The following DGCR8 variants were observed in gnomAD, a reference collection of about 807,000 sequenced individuals.
DGCR8 encodes microprocessor complex subunit DGCR8.
Under a neutral mutation model 78.5 loss-of-function variants are expected in DGCR8, and 14 were observed. The ratio of observed to expected loss-of-function variants is 0.18; its 90% CI spans 0.12 to 0.28. DGCR8 has a LOEUF of 0.28. Ranked by LOEUF, DGCR8 falls within the 10% of genes least tolerant of loss-of-function variation. DGCR8 has a pLI of 1.00. For synonymous variants in DGCR8, 399 were observed against 402.4 expected (o/e 0.99, Z 0.10); for missense variants, 702 against 1,022.5 (o/e 0.69, Z 4.28).
In DGCR8 at chr22:20,110,069, C is replaced by G; in HGVS notation, c.2283C>G (p.Ala761=). The change falls in exon 14 of 14, where the codon GCC becomes GCG. Residue 761 remains alanine (A), a synonymous_variant. Transcript: ENST00000351989. ...KKPKMSIVAS[A]QPGGEPLCTV... ...CCAAGATGTCCATTGTGGCGTCCGC[C>G]CAGCCTGGCGGTGAGCCCCTGTGCA... is the stretch of plus-strand genomic sequence containing the variant. 1 of 1,612,982 alleles carries G rather than the reference C, an allele frequency of 6.2e-7. No individual in the cohort carries two copies. Among genetic ancestry groups the G allele is most frequent in the South Asian group, 1.1e-5 (1 of 91,088 alleles).
chr22:20,109,061 G>A (rs1238692239), intron 13 of DGCR8, 58 bp downstream of exon 13: 4 of 910,964 alleles, frequency 4.4e-6, no homozygotes, highest in Non-Finnish European at 7.3e-6. Context: ...TGGCACCTGT[G>A]GAGGGACAGC....
In DGCR8 at chr22:20,110,078, C is replaced by T. The variant is rs997639108; in HGVS notation, c.2292C>T (p.Gly764=). ...CCATTGTGGCGTCCGCCCAGCCTGGCGGTGAGCCCCTGTGCACCGTGGACG... is the reference window on the plus strand; with the variant it reads ...CCATTGTGGCGTCCGCCCAGCCTGGTGGTGAGCCCCTGTGCACCGTGGACG... ...KMSIVASAQP[G]GEPLCTVDV Residue 764 remains glycine (G), a synonymous_variant, in exon 14 of 14, where the codon GGC becomes GGT. Coordinates refer to ENST00000351989, the MANE Select transcript of DGCR8 (RefSeq NM_022720.7). 3.5e-5 allele frequency: 56 copies of T among 1,612,182 alleles called. No homozygotes were observed. Among genetic ancestry groups the T allele is most frequent in the African/African-American group, 5.3e-5 (4 of 74,956 alleles).
In DGCR8 at chr22:20,096,010, G is replaced by C. The variant is rs1251080158; in HGVS notation, c.1788+1215G>C. On this transcript the variant is annotated intron_variant, in intron 9 of 13. Coordinates refer to ENST00000351989, the MANE Select transcript of DGCR8 (RefSeq NM_022720.7). Reference sequence around the variant, plus strand: ...AGAGCTCAGGTGTAAAATGAGTGATGGGGAGCAGCTGTAAATACAGATTAA... The same window carrying C: ...AGAGCTCAGGTGTAAAATGAGTGATCGGGAGCAGCTGTAAATACAGATTAA... Among the ~76,000 whole-genome samples the C allele has an allele frequency of 2.8e-4, 43 of 152,098 alleles. 2 individuals carry two copies. Among genetic ancestry groups the C allele is most frequent in the Admixed American group, 2.8e-3 (43 of 15,256 alleles).
rs1250995097 is a variant in DGCR8, at chr22:20,085,275, G to A, written c.-277-412G>A. On this transcript the variant is annotated intron_variant, in intron 1 of 13. Transcript: ENST00000351989. The surrounding 1 kb of genome is among the most constrained non-coding windows in gnomAD (Gnocchi z 6.2). ...TCTGACTGACCCAGCCCTTGCAGGT[G>A]AGTGGATTGCTGTGCTCTGGTGGCC... 3.9e-5 allele frequency among the ~76,000 whole-genome samples: 6 copies of A among 152,204 alleles called. No homozygotes were observed. Among genetic ancestry groups the A allele is most frequent in the Non-Finnish European group, 7.3e-5 (5 of 68,038 alleles).
chr22:20,086,877 A>G lies in DGCR8; in HGVS notation c.720+194A>G. The G allele has an allele frequency of 1.2e-6, 1 of 839,220 alleles. No individual in the cohort carries two copies. Among genetic ancestry groups the G allele is most frequent in the South Asian group, 1.9e-5 (1 of 52,536 alleles). The allele number at this position is 839,220 out of a possible 1,614,324, so 52.0% of individuals were successfully genotyped here. Reference sequence around the variant, plus strand: ...CCAGATTTTTAAAGTTTCCTAATGAAAAGTTTGGCCCATGGGTAGGCCCTG... The same window carrying G: ...CCAGATTTTTAAAGTTTCCTAATGAGAAGTTTGGCCCATGGGTAGGCCCTG... On this transcript the variant is annotated intron_variant, in intron 2 of 13. Transcript: ENST00000351989. This position sits in a 1 kb window ranked among gnomAD's most constrained non-coding sequence, Gnocchi z 6.4.
intron 9 of DGCR8, among the ~76,000 whole-genome samples, chr22:20,098,764 A>G (rs956947226): frequency 2.0e-5 from 3 of 152,184 alleles, no homozygotes; most frequent in Non-Finnish European, 4.4e-5. Context: ...CTCTGTGTGC[A>G]TGCTGGTCTC....
At chr22:20,090,304 G>A in intron 5 of DGCR8, 46 bp downstream of exon 5, 1 of 1,538,720 alleles carries the variant, frequency 6.5e-7, no homozygotes, top group Middle Eastern at 2.2e-4. Context: ...TGGGACCCAT[G>A]AGCTTTGTTT....
intron 9 of DGCR8, among the ~76,000 whole-genome samples, chr22:20,104,353 G>C (rs1359796688): frequency 1.3e-5 from 2 of 151,588 alleles, no homozygotes; most frequent in Non-Finnish European, 2.9e-5. Context: ...ATTTTTAGTA[G>C]AGACGGGGTT....
intron 9 of DGCR8, among the ~76,000 whole-genome samples, chr22:20,103,447 T>G (rs992109922): frequency 3.9e-5 from 6 of 152,244 alleles, no homozygotes; most frequent in Non-Finnish European, 7.3e-5. Context: ...TTGCACTGAT[T>G]TATTCTAGTA....
At position 20,085,192 on chromosome 22, in the gene DGCR8, GC is replaced by G; in HGVS notation, c.-277-493del. 3.4e-6 allele frequency: 1 copy of G among 295,448 alleles called. No individual in the cohort carries two copies. Among genetic ancestry groups the G allele is most frequent in the Non-Finnish European group, 5.0e-6 (1 of 199,176 alleles). The allele number at this position is 295,448 out of a possible 1,614,324, so 18.3% of individuals were successfully genotyped here. A position where few individuals can be genotyped will look rare whatever the true frequency, so the allele number is the denominator to read the frequency against. Reference sequence around the variant, plus strand: ...GGGTCCCTGGGTAGCAGAGCGCCTGGCCATGCCTCTGAGGCCCCTAGTGCCG... The same window carrying G: ...GGGTCCCTGGGTAGCAGAGCGCCTGGCATGCCTCTGAGGCCCCTAGTGCCG... On this transcript the variant is annotated intron_variant, in intron 1 of 13. Coordinates refer to ENST00000351989, the MANE Select transcript of DGCR8 (RefSeq NM_022720.7). The surrounding 1 kb of genome is among the most constrained non-coding windows in gnomAD (Gnocchi z 6.2).
chr22:20,100,288 A>G (rs773430247), intron 9 of DGCR8: 24 of 900,666 alleles, frequency 2.7e-5, no homozygotes, highest in Admixed American at 6.2e-5. Context: ...GATGGTCTCT[A>G]TCTCTTGACC....
In DGCR8 at chr22:20,111,208, G is replaced by C. The variant is rs1001256855; in HGVS notation, c.*1100G>C. 3 of 398,910 alleles carry C rather than the reference G, an allele frequency of 7.5e-6. No homozygotes were observed. The highest frequency in any genetic ancestry group is 2.1e-5 in the African/African-American group (1 of 48,758). The allele number at this position is 398,910 out of a possible 1,614,324, so 24.7% of individuals were successfully genotyped here. On this transcript the variant is annotated 3_prime_UTR_variant, in exon 14 of 14. Coordinates refer to ENST00000351989, the MANE Select transcript of DGCR8 (RefSeq NM_022720.7). ...GCGATGGAAATGTGTTCCTGCCGGAGTCTGAGGCACCAGGGTGTGCTCAAA... is the reference window on the plus strand; with the variant it reads ...GCGATGGAAATGTGTTCCTGCCGGACTCTGAGGCACCAGGGTGTGCTCAAA...
intron 12 of DGCR8, chr22:20,108,663 C>G: frequency 2.5e-6 from 1 of 396,092 alleles, no homozygotes; most frequent in Non-Finnish European, 4.8e-6. Flanking sequence ...GCAGAAAGGC[C>G]TGGCAGCTAT....
rs570157582 is a variant in DGCR8 at position 20,106,951 on chromosome 22, C to T, written c.1996+253C>T. ...TGTCCCTGTGGCAGGAGGAAAGGCC[C>T]TCCTCCTCGAACAGCCAGCAGAATC... On this transcript the variant is annotated intron_variant, in intron 11 of 13. Transcript: ENST00000351989. 4.1e-4 allele frequency: 234 copies of T among 576,032 alleles called. No individual in the cohort carries two copies. In the Middle Eastern group the frequency reaches 0.012, roughly 30 times the overall value. The allele number at this position is 576,032 out of a possible 1,614,324, so 35.7% of individuals were successfully genotyped here.
rs2049475739 is a variant in DGCR8, at chr22:20,085,911, T to G, written c.-53T>G. 6.7e-6 allele frequency: 10 copies of G among 1,499,220 alleles called. No homozygotes were observed. In the Admixed American group the frequency reaches 8.8e-5, roughly 13 times the overall value. The allele number at this position is 1,499,220 out of a possible 1,614,324, so 92.9% of individuals were successfully genotyped here. On this transcript the variant is annotated 5_prime_UTR_variant, in exon 2 of 14. An upstream start codon of the reference 5' UTR is lost. Transcript: ENST00000351989. The surrounding 1 kb of genome is among the most constrained non-coding windows in gnomAD (Gnocchi z 6.2). ...TGTGCATGTTAGCTGTGTAGATTTATGTGAGGGCTTGTAAAACTCTGGTCT... is the reference window on the plus strand; with the variant it reads ...TGTGCATGTTAGCTGTGTAGATTTAGGTGAGGGCTTGTAAAACTCTGGTCT...
intron 1 of DGCR8, 41 bp downstream of exon 1, chr22:20,080,424 G>A (rs2049403887): frequency 1.0e-6 from 1 of 978,632 alleles, no homozygotes. Context: ...GCGGTTGGGC[G>A]GGCGCCGCGG....
chr22:20,104,265 C>T (rs1288037027), intron 9 of DGCR8, among the ~76,000 whole-genome samples: 9 of 151,836 alleles, frequency 5.9e-5, no homozygotes, highest in East Asian at 3.9e-4. Flanking sequence ...CCCGGGTTCA[C>T]GCCATTCTCC....
At chr22:20,090,302 A>C (rs373684505) in intron 5 of DGCR8, 44 bp downstream of exon 5, 62 of 1,540,360 alleles carry the variant, frequency 4.0e-5, no homozygotes, top group Non-Finnish European at 4.8e-5. Context: ...CCTGGGACCC[A>C]TGAGCTTTGT....
At chr22:20,096,373 G>A (rs1841394906) in intron 9 of DGCR8, 1 of 919,950 alleles carries the variant, frequency 1.1e-6, no homozygotes, top group Non-Finnish European at 1.3e-6. Context: ...TTTTGTATAA[G>A]TGGGCCCATG....
Sources: allele counts gnomAD v4.1 joint callset (sites outside exome capture counted in the v4.1 genomes callset), GRCh38; gene constraint gnomAD v4.1.1; non-coding constraint Gnocchi (gnomAD v3.1); transcripts MANE v1.5; gene names NCBI Gene and HGNC (gene_info 2026-07-23, HGNC 2026-07-21).